Variants in MOB3B observed in about 807,000 individuals in gnomAD.
MOB3B encodes MOB kinase activator 3B.
MOB3B carries 7 observed loss-of-function variants against 18.7 expected under a neutral mutation model. The observed-to-expected ratio is 0.37, with a 90% confidence interval of 0.21 to 0.70. The LOEUF (loss-of-function observed/expected upper bound fraction) is 0.70. Ranked by LOEUF, MOB3B falls within the 30% of genes least tolerant of loss-of-function variation. The probability of loss-of-function intolerance (pLI) is 0.52; values close to 1 mark genes in which losing one functional copy is unlikely to be tolerated. For missense variants in MOB3B, 253 were observed against 281.3 expected (o/e 0.90, Z 0.72); for synonymous variants, 111 against 99.9 (o/e 1.11, Z -0.66).
chr9:27,366,862 C>T (rs1181499963), intron 2 of MOB3B, among the ~76,000 whole-genome samples: 1 of 152,210 alleles, frequency 6.6e-6, no homozygotes, highest in African/African-American at 2.4e-5. Context: ...GTTACTGCCT[C>T]TTCTTTCTTT....
At chr9:27,351,249 G>A (rs146379378) in intron 3 of MOB3B, among the ~76,000 whole-genome samples, 7 of 152,188 alleles carry the variant, frequency 4.6e-5, no homozygotes, top group African/African-American at 1.4e-4. Context: ...AAAGAGAAAC[G>A]GTTGTCTTGG....
intron 1 of MOB3B, among the ~76,000 whole-genome samples, chr9:27,506,025 AAACTCTTTTTC>A (rs1335118560): frequency 6.6e-6 from 1 of 152,220 alleles, no homozygotes; most frequent in African/African-American, 2.4e-5. Context: ...ATGGAAACTA[AAACTCTTTTTC>A]ATTTAGCAAA....
At chr9:27,520,221 T>G (rs1158824760) in intron 1 of MOB3B, among the ~76,000 whole-genome samples, 2 of 152,208 alleles carry the variant, frequency 1.3e-5, no homozygotes, top group Non-Finnish European at 2.9e-5. Context: ...TTTTGCCAAA[T>G]TCTGCCTTGT....
intron 2 of MOB3B, among the ~76,000 whole-genome samples, chr9:27,448,482 A>C (rs1822729145): frequency 6.6e-6 from 1 of 152,192 alleles, no homozygotes; most frequent in African/African-American, 2.4e-5. Flanking sequence ...AGAGAGAATG[A>C]GAACCAAGTG....
rs201598978 is a variant in MOB3B, at chr9:27,524,356, T to C, written c.-199+5199A>G. ...AAAAAAATGAGCACCAAACCTGATA[T>C]GATTCAAAAGTGTTTGTGGCTTGAG... is the stretch of plus-strand genomic sequence containing the variant. On this transcript the variant is annotated intron_variant, in intron 1 of 3. Coordinates refer to ENST00000262244, the MANE Select transcript of MOB3B (RefSeq NM_024761.5). 67 of 1,612,386 alleles carry C rather than the reference T, an allele frequency of 4.2e-5. No individual in the cohort carries two copies. The Middle Eastern group carries it at 8.2e-4, about 20-fold the overall frequency.
rs1036551954 is a variant in MOB3B at position 27,389,030 on chromosome 9, T to C, written c.419-29794A>G. On this transcript the variant is annotated intron_variant, in intron 2 of 3. Coordinates refer to ENST00000262244, the MANE Select transcript of MOB3B (RefSeq NM_024761.5). Reference sequence around the variant, plus strand: ...CACACAATGGTCTGAGTAATCATTTTAAAAATAATAATTAAAGCTATCACT... The same window carrying C: ...CACACAATGGTCTGAGTAATCATTTCAAAAATAATAATTAAAGCTATCACT... Among the ~76,000 whole-genome samples the C allele has an allele frequency of 3.9e-5, 6 of 152,220 alleles. No individual in the cohort carries two copies. The South Asian group carries it at 1.0e-3, about 26-fold the overall frequency.
intron 2 of MOB3B, 91 bp from the exon 3 acceptor site, chr9:27,359,327 G>T: frequency 2.0e-6 from 2 of 990,438 alleles, no homozygotes; most frequent in Non-Finnish European, 2.9e-6. Flanking sequence ...TGAGGGCAAT[G>T]CTACAGGGAG....
intron 3 of MOB3B, among the ~76,000 whole-genome samples, chr9:27,330,921 C>T (rs965633088): frequency 6.6e-6 from 1 of 152,100 alleles, no homozygotes; most frequent in African/African-American, 2.4e-5. Flanking sequence ...AATGGCTGTC[C>T]TCTTCAGCAG....
intron 2 of MOB3B, among the ~76,000 whole-genome samples, chr9:27,391,067 A>G (rs1465542711): frequency 6.6e-6 from 1 of 152,190 alleles, no homozygotes; most frequent in East Asian, 1.9e-4. Flanking sequence ...ATCAGAAAAA[A>G]TCCTGGAGGA....
intron 3 of MOB3B, among the ~76,000 whole-genome samples, chr9:27,352,275 G>C (rs902887710): frequency 2.0e-5 from 3 of 151,494 alleles, no homozygotes; most frequent in African/African-American, 7.3e-5. Flanking sequence ...CAGCTACTTA[G>C]GAGGCTGAGG....
chr9:27,445,983 T>C (rs565009454), intron 2 of MOB3B, among the ~76,000 whole-genome samples: 2 of 152,284 alleles, frequency 1.3e-5, no homozygotes, highest in African/African-American at 4.8e-5. Context: ...CAAAAGCCTA[T>C]TGCTGCTTTT....
chr9:27,327,490 G>A lies in MOB3B; in HGVS notation c.*3097C>T, dbSNP rs896736451. On this transcript the variant is annotated 3_prime_UTR_variant, in exon 4 of 4. Transcript: ENST00000262244. ...AACAATCAGTAAAAAAGTCTAGATT[G>A]TGGGACATTCCACAAACTTGCCTGA... 5 of 151,986 alleles carry A rather than the reference G, an allele frequency of 3.3e-5. No individual in the cohort carries two copies. The highest frequency in any genetic ancestry group is 1.2e-4 in the African/African-American group (5 of 41,386). 9.4% of individuals were successfully genotyped at this position (151,986 alleles called of 1,614,324 possible).
At chr9:27,499,098 G>A (rs961394555) in intron 1 of MOB3B, among the ~76,000 whole-genome samples, 1 of 152,104 alleles carries the variant, frequency 6.6e-6, no homozygotes, top group Non-Finnish European at 1.5e-5. Context: ...ATCTGAATCA[G>A]CTCCTAAAAT....
chr9:27,412,167 T>C (rs1822078249), intron 2 of MOB3B, among the ~76,000 whole-genome samples: 1 of 146,934 alleles, frequency 6.8e-6, no homozygotes, highest in African/African-American at 2.5e-5. Flanking sequence ...TTTCTAGAAA[T>C]CTACCCTTAT....
chr9:27,513,265 A>T (rs1389873796), intron 1 of MOB3B, among the ~76,000 whole-genome samples: 3 of 152,036 alleles, frequency 2.0e-5, no homozygotes, highest in Non-Finnish European at 4.4e-5. Flanking sequence ...TATTTTTTCC[A>T]TCTCTACTGC....
chr9:27,376,240 T>G (rs1046709462), intron 2 of MOB3B, among the ~76,000 whole-genome samples: 1 of 152,246 alleles, frequency 6.6e-6, no homozygotes, highest in African/African-American at 2.4e-5. Context: ...TGCCTCTTCT[T>G]GTACATATCT....
chr9:27,463,895 T>C (rs796928420), intron 1 of MOB3B, among the ~76,000 whole-genome samples: 61 of 152,062 alleles, frequency 4.0e-4, no homozygotes, highest in African/African-American at 1.4e-3. Context: ...ATGTCCAGAC[T>C]GCAGTGAGCC....
chr9:27,487,838 A>T (rs529213788), intron 1 of MOB3B, among the ~76,000 whole-genome samples: 15 of 152,208 alleles, frequency 9.9e-5, no homozygotes, highest in African/African-American at 3.6e-4. Flanking sequence ...CTATGCTATC[A>T]TCATGGCTTC....
chr9:27,356,578 G>C (rs1057373736), intron 3 of MOB3B, among the ~76,000 whole-genome samples: 1 of 152,176 alleles, frequency 6.6e-6, no homozygotes, highest in Admixed American at 6.5e-5. Flanking sequence ...AGGCATAAAG[G>C]AGAAATTGAC....
Sources: allele counts gnomAD v4.1 joint callset (sites outside exome capture counted in the v4.1 genomes callset), GRCh38; gene constraint gnomAD v4.1.1; transcripts MANE v1.5; gene names NCBI Gene and HGNC (gene_info 2026-07-23, HGNC 2026-07-21).